The following DDX10 variants were observed in gnomAD, a reference collection of about 807,000 sequenced individuals.
DDX10 encodes the protein DEAD-box helicase 10.
DDX10 carries 74 observed loss-of-function variants against 104.3 expected under a neutral mutation model. That is an observed-to-expected ratio of 0.71 (90% CI 0.59 to 0.86). The LOEUF is 0.86. DDX10 is among the 40% of genes least tolerant of loss of function. The pLI, the probability that DDX10 is intolerant of heterozygous loss-of-function variation, is 0.00. For missense variants in DDX10, 952 were observed against 1,040.0 expected (o/e 0.92, Z 1.16); for synonymous variants, 351 against 353.4 (o/e 0.99, Z 0.08).
In DDX10 at chr11:108,841,366, G is replaced by A. The variant is rs1489025257; in HGVS notation, c.2137G>A (p.Glu713Lys). ...MQKSAIKDAE[E>K]DDDTGGINLH... The stretch of plus-strand genomic sequence containing the variant: ...GAAATCTGCCATCAAGGATGCTGAG[G>A]AAGATGATGACACAGGTGGTATCAA... Residue 713 changes from glutamate to lysine, a missense_variant, in exon 15 of 18, where the codon GAA becomes AAA. This residue lies in a region of DDX10 where 533 missense variants were observed against 534.1 expected (regional missense o/e 1.00). Coordinates refer to ENST00000322536, the MANE Select transcript of DDX10 (RefSeq NM_004398.4). 3 of 1,613,714 alleles carry A rather than the reference G, an allele frequency of 1.9e-6. No homozygotes were observed. The East Asian group carries it at 6.7e-5, about 36-fold the overall frequency.
At chr11:108,791,970 T>C (rs1861877620) in intron 13 of DDX10, among the ~76,000 whole-genome samples, 1 of 152,178 alleles carries the variant, frequency 6.6e-6, no homozygotes, top group Admixed American at 6.5e-5. Context: ...TTTAAAAAAA[T>C]ATAGTTATTC....
chr11:108,884,757 T>A (rs1194626343), intron 16 of DDX10, among the ~76,000 whole-genome samples: 1 of 152,220 alleles, frequency 6.6e-6, no homozygotes, highest in African/African-American at 2.4e-5. Context: ...AAGTTTGCCA[T>A]CACAGTTCTT....
At chr11:108,912,068 C>G in intron 16 of DDX10, among the ~76,000 whole-genome samples, 1 of 152,098 alleles carries the variant, frequency 6.6e-6, no homozygotes, top group East Asian at 1.9e-4. Flanking sequence ...TAACAAAATT[C>G]CATAGACTAG....
At chr11:108,716,024 T>C in intron 11 of DDX10, 58 bp downstream of exon 11, 1 of 941,582 alleles carries the variant, frequency 1.1e-6, no homozygotes, top group South Asian at 1.4e-5. Context: ...AAGTTTATCA[T>C]TTTCTGCTAC....
At chr11:108,811,899 G>GA (rs926871445) in intron 13 of DDX10, among the ~76,000 whole-genome samples, 6 of 143,104 alleles carry the variant, frequency 4.2e-5, no homozygotes, top group African/African-American at 1.5e-4. Flanking sequence ...ATATGGGGGG[G>GA]GGAAGAGAGC....
At chr11:108,739,307 T>G (rs1052722156) in intron 13 of DDX10, among the ~76,000 whole-genome samples, 2 of 152,178 alleles carry the variant, frequency 1.3e-5, no homozygotes, top group African/African-American at 4.8e-5. Flanking sequence ...AGACACAGAT[T>G]CCTCCATGTG....
intron 17 of DDX10, among the ~76,000 whole-genome samples, chr11:108,935,324 A>G (rs1864023020): frequency 6.6e-6 from 1 of 152,130 alleles, no homozygotes; most frequent in Non-Finnish European, 1.5e-5. Flanking sequence ...CTCAAAGAGC[A>G]AGGGGTATAT....
At chr11:108,918,095 C>G (rs1211636732) in intron 17 of DDX10, 77 bp downstream of exon 17, 5 of 1,398,610 alleles carry the variant, frequency 3.6e-6, no homozygotes, top group Non-Finnish European at 5.0e-6. Flanking sequence ...AAAGACATTA[C>G]TAAGAGTTCT....
chr11:108,779,371 G>A (rs937713741), intron 13 of DDX10, among the ~76,000 whole-genome samples: 74 of 152,300 alleles, frequency 4.9e-4, no homozygotes, highest in African/African-American at 1.8e-3. Flanking sequence ...AAAAGGATGA[G>A]TTCATGTCCT....
At chr11:108,684,410 C>G (rs1489213574) in intron 6 of DDX10, among the ~76,000 whole-genome samples, 2 of 127,902 alleles carry the variant, frequency 1.6e-5, no homozygotes, top group African/African-American at 5.7e-5. Context: ...TCCATGTGAT[C>G]TCATTGTTCA....
intron 16 of DDX10, among the ~76,000 whole-genome samples, chr11:108,880,361 CCA>C (rs1480387937): frequency 1.2e-4 from 18 of 152,144 alleles, no homozygotes; most frequent in Non-Finnish European, 2.1e-4. Context: ...CCAAATACAG[CCA>C]CATTGGGGGT....
At chr11:108,710,034 T>C (rs1044235455) in intron 10 of DDX10, among the ~76,000 whole-genome samples, 1 of 152,188 alleles carries the variant, frequency 6.6e-6, no homozygotes, top group African/African-American at 2.4e-5. Context: ...CTGTGGGCAA[T>C]TGAACACAAT....
chr11:108,790,083 A>AC (rs1374619269), intron 13 of DDX10, among the ~76,000 whole-genome samples: 2 of 152,144 alleles, frequency 1.3e-5, no homozygotes, highest in East Asian at 3.8e-4. Context: ...TATAAATCTA[A>AC]CCCCCCTAAA....
At chr11:108,771,804 T>C (rs903673498) in intron 13 of DDX10, among the ~76,000 whole-genome samples, 3 of 152,208 alleles carry the variant, frequency 2.0e-5, no homozygotes, top group African/African-American at 7.2e-5. Flanking sequence ...AAGGTAGATA[T>C]TTGGTTATTT....
chr11:108,923,300 G>A (rs954768867), intron 17 of DDX10, among the ~76,000 whole-genome samples: 2 of 152,160 alleles, frequency 1.3e-5, no homozygotes, highest in Admixed American at 6.5e-5. Flanking sequence ...GAGGAACCAA[G>A]ACCTCAGATA....
chr11:108,675,244 G>A (rs188838175), intron 2 of DDX10, among the ~76,000 whole-genome samples: 1 of 152,274 alleles, frequency 6.6e-6, no homozygotes, highest in African/African-American at 2.4e-5. Flanking sequence ...ACTTTTCAAA[G>A]TAGTGGTTTT....
intron 13 of DDX10, among the ~76,000 whole-genome samples, chr11:108,751,660 G>C (rs1197515204): frequency 1.3e-5 from 2 of 152,134 alleles, no homozygotes; most frequent in Non-Finnish European, 2.9e-5. Flanking sequence ...AGTGAGTTAG[G>C]GGAAACGTGT....
chr11:108,935,680 G>A (rs9888280), intron 17 of DDX10, among the ~76,000 whole-genome samples: 8,066 of 152,116 alleles, frequency 0.053, 641 homozygotes, highest in African/African-American at 0.17. Context: ...AAATTATCAA[G>A]AATTCTCACA....
intron 16 of DDX10, among the ~76,000 whole-genome samples, chr11:108,876,132 T>C (rs1232862085): frequency 6.6e-6 from 1 of 152,224 alleles, no homozygotes; most frequent in Non-Finnish European, 1.5e-5. Flanking sequence ...TATTTCTTGA[T>C]AAAAACAGTA....
Sources: allele counts gnomAD v4.1 joint callset (sites outside exome capture counted in the v4.1 genomes callset), GRCh38; gene constraint gnomAD v4.1.1; regional missense constraint gnomAD v4.1.1; transcripts MANE v1.5; gene names NCBI Gene and HGNC (gene_info 2026-07-23, HGNC 2026-07-21).